Variants in CCDC174 observed in about 807,000 individuals in gnomAD.
CCDC174 encodes the protein coiled-coil domain-containing protein 174.
A neutral mutation model predicts 57.1 loss-of-function variants in CCDC174; 37 were observed. That is an observed-to-expected ratio of 0.65 (90% confidence interval 0.50 to 0.85). The LOEUF is 0.85. CCDC174 is among the 40% of genes least tolerant of loss of function. CCDC174 has a pLI of 0.00. For synonymous variants in CCDC174, 182 were observed against 190.2 expected, an observed-to-expected ratio of 0.96 and a Z score of 0.35; for missense variants, 540 against 574.3, an observed-to-expected ratio of 0.94 and a Z score of 0.61.
chr3:14,661,437 A>C, intron 4 of CCDC174, 93 bp from the exon 5 acceptor site: 2 of 1,051,872 alleles, frequency 1.9e-6, no homozygotes, highest in Middle Eastern at 2.1e-4. Flanking sequence ...GTCAGGGGTG[A>C]TGGGGCCACC....
At chr3:14,652,923 A>G (rs2030826170) in intron 1 of CCDC174, among the ~76,000 whole-genome samples, 2 of 149,674 alleles carry the variant, frequency 1.3e-5, no homozygotes, top group South Asian at 2.2e-4. Flanking sequence ...GGCGGGGGGA[A>G]GAAATCTTAG....
chr3:14,662,753 C>T (rs1002671984), intron 5 of CCDC174, among the ~76,000 whole-genome samples: 1 of 152,192 alleles, frequency 6.6e-6, no homozygotes, highest in African/African-American at 2.4e-5. Flanking sequence ...AGGCGTTCAT[C>T]TTTTGTCAGC....
intron 3 of CCDC174, among the ~76,000 whole-genome samples, chr3:14,656,521 A>C (rs973883142): frequency 6.6e-6 from 1 of 152,208 alleles, no homozygotes; most frequent in South Asian, 2.1e-4. Flanking sequence ...TCACATCAGG[A>C]GGCTCATAAG....
At chr3:14,656,319 T>C (rs201445842) in intron 3 of CCDC174, among the ~76,000 whole-genome samples, 3 of 152,248 alleles carry the variant, frequency 2.0e-5, no homozygotes, top group East Asian at 3.8e-4. Context: ...ACCCATTGTT[T>C]GTAGTTGTCA....
chr3:14,654,543 A>G lies in CCDC174; in HGVS notation c.147+13A>G. 2.5e-6 allele frequency: 3 copies of G among 1,223,156 alleles called. No homozygotes were observed. The highest frequency in any genetic ancestry group is 3.6e-6 in the Non-Finnish European group (3 of 839,484). 75.8% of individuals were successfully genotyped at this position (1,223,156 alleles called of 1,614,324 possible). ...AACAACTAACAAGGTAAAAAATAAG[A>G]TCTAATTATCTCCATTGGTTCCAAA... On this transcript the variant is annotated intron_variant, in intron 2 of 10. Coordinates refer to ENST00000383794, the MANE Select transcript of CCDC174 (RefSeq NM_016474.5).
rs2030881878 is a variant in CCDC174 at position 14,654,464 on chromosome 3, A to G, written c.81A>G (p.Glu27=). ...AGGCTGAACTCTTCCGAAAGCAAGA[A>G]GAATTCAAACAAGAAAAACTTCTAA... ...DLKAELFRKQ[E]EFKQEKLLKD... Residue 27 remains glutamate, a synonymous_variant, in exon 2 of 11, where the codon GAA becomes GAG. Transcript: ENST00000383794. The G allele has an allele frequency of 6.2e-7, 1 of 1,608,244 alleles. No individual in the cohort carries two copies. The highest frequency in any genetic ancestry group is 2.2e-5 in the East Asian group (1 of 44,620).
chr3:14,660,666 C>T (rs900478174), intron 4 of CCDC174, among the ~76,000 whole-genome samples: 10 of 152,164 alleles, frequency 6.6e-5, no homozygotes, highest in Admixed American at 1.3e-4. Context: ...GTCAGACCTG[C>T]AAGTTTGGGC....
At chr3:14,663,560 C>G (rs949223052) in intron 5 of CCDC174, among the ~76,000 whole-genome samples, 1 of 152,108 alleles carries the variant, frequency 6.6e-6, no homozygotes, top group Non-Finnish European at 1.5e-5. Context: ...GTATTACTCT[C>G]CTTGCCTGGG....
intron 1 of CCDC174, among the ~76,000 whole-genome samples, chr3:14,653,772 A>C (rs1046150202): frequency 1.3e-5 from 2 of 152,216 alleles, no homozygotes; most frequent in African/African-American, 4.8e-5. Context: ...TGGAGCTGTT[A>C]TAATTCACCC....
rs142589752 is a variant in CCDC174, at chr3:14,659,663, A to G, written c.307+734A>G. ...CACTGCATCCTCGGTGCAGTAAGCT[A>G]TGATCCAGCCTGGGTGACAGAGTGT... is the stretch of plus-strand genomic sequence containing the variant. On this transcript the variant is annotated intron_variant, in intron 4 of 10. Transcript: ENST00000383794. Among the ~76,000 whole-genome samples, 958 of 152,154 alleles carry G rather than the reference A, an allele frequency of 6.3e-3. 4 individuals are homozygous for G. The highest frequency in any genetic ancestry group is 0.022 in the African/African-American group (901 of 41,542).
rs150214164 is a variant in CCDC174, at chr3:14,668,164, C to T, written c.935C>T (p.Thr312Ile). The T allele has an allele frequency of 3.1e-6, 5 of 1,610,334 alleles. No homozygotes were observed. The South Asian group carries it at 4.4e-5, about 14-fold the overall frequency. Residue 312 changes from threonine (T) to isoleucine (I), a missense_variant, in exon 9 of 11, where the codon ACA (threonine) becomes ATA (isoleucine). By Grantham distance (89) the Thr-to-Ile change is moderately conservative. Coordinates refer to ENST00000383794, the MANE Select transcript of CCDC174 (RefSeq NM_016474.5). ...KKMKKSKEGG[T>I]EEENRDGDVI... ...ATGAAAAAATCAAAAGAAGGTGGAA[C>T]AGAAGAAGAAAATAGAGGTATATCA...
In CCDC174 at chr3:14,668,107, A is replaced by C; in HGVS notation, c.878A>C (p.Glu293Ala). The part of the protein sequence containing the change: ...NIKEKRKAIL[E>A]ARLAKLRQKK... ...AAGGAAAAGCGAAAGGCTATCTTAG[A>C]GGCAAGACTTGCCAAACTTCGACAA... The change falls in exon 9 of 11, where the codon GAG becomes GCG. Residue 293 changes from glutamate to alanine, a missense_variant. Transcript: ENST00000383794. The C allele has an allele frequency of 6.2e-7, 1 of 1,610,898 alleles. No individual in the cohort carries two copies. Among genetic ancestry groups the C allele is most frequent in the Non-Finnish European group, 8.5e-7 (1 of 1,178,622 alleles).
chr3:14,662,448 A>G (rs1018881043), intron 5 of CCDC174, among the ~76,000 whole-genome samples: 13 of 149,268 alleles, frequency 8.7e-5, no homozygotes, highest in Non-Finnish European at 1.9e-4. Flanking sequence ...AATTTTGCCT[A>G]TATGTAGATG....
chr3:14,665,339 G>C (rs557019400), intron 6 of CCDC174, among the ~76,000 whole-genome samples: 183 of 152,296 alleles, frequency 1.2e-3, no homozygotes, highest in Non-Finnish European at 2.3e-3. Flanking sequence ...TGGATGAGTA[G>C]AGCTGTCTCT....
chr3:14,658,726 A>G (rs977078024), intron 3 of CCDC174, 145 bp from the exon 4 acceptor site: 1 of 844,996 alleles, frequency 1.2e-6, no homozygotes, highest in East Asian at 3.3e-5. Context: ...GGGTCTCCTC[A>G]GGATGGTGTG....
chr3:14,655,526 C>G lies in CCDC174; in HGVS notation c.148-3C>G. The G allele has an allele frequency of 6.3e-7, 1 of 1,594,814 alleles. No individual in the cohort carries two copies. Among genetic ancestry groups the G allele is most frequent in the Non-Finnish European group, 8.5e-7 (1 of 1,170,278 alleles). ...TGTTTTGTCTTCTAAAATTATTCTC[C>G]AGAAACCAAGTATCTGGAGCAAACA... On this transcript the variant is annotated splice_polypyrimidine_tract_variant and splice_region_variant and intron_variant, in intron 2 of 10. Transcript: ENST00000383794.
chr3:14,667,142 G>A (rs1300344249), intron 7 of CCDC174, 195 bp downstream of exon 7: 1 of 628,376 alleles, frequency 1.6e-6, no homozygotes, highest in Non-Finnish European at 2.7e-6. Flanking sequence ...CTGACAGAGG[G>A]TCTGGTAATC....
chr3:14,670,390 G>A (rs1172781371), intron 10 of CCDC174, among the ~76,000 whole-genome samples: 1 of 152,208 alleles, frequency 6.6e-6, no homozygotes, highest in African/African-American at 2.4e-5. Context: ...ATTCTCCAGA[G>A]TGTCCACAGC....
At position 14,656,260 on chromosome 3, in the gene CCDC174, A is replaced by G. The variant is rs1283736942; in HGVS notation, c.248+631A>G. On this transcript the variant is annotated intron_variant, in intron 3 of 10. Transcript: ENST00000383794. ...TTCAGATTTCACCAGTTATCCCAGTACAATTATGTATTTTATAGATTTAAA... is the reference window on the plus strand; with the variant it reads ...TTCAGATTTCACCAGTTATCCCAGTGCAATTATGTATTTTATAGATTTAAA... 2.0e-5 allele frequency among the ~76,000 whole-genome samples: 3 copies of G among 152,192 alleles called. No homozygotes were observed. In the East Asian group the frequency reaches 5.8e-4, roughly 29 times the overall value.
Sources: allele counts gnomAD v4.1 joint callset (sites outside exome capture counted in the v4.1 genomes callset), GRCh38; gene constraint gnomAD v4.1.1; transcripts MANE v1.5; gene names NCBI Gene and HGNC (gene_info 2026-07-23, HGNC 2026-07-21).